TBC1D12: variants seen among roughly 807,000 people sequenced by gnomAD.
The protein encoded by TBC1D12 is TBC1 domain family, member 12.
TBC1D12 carries 56 observed loss-of-function variants against 86.7 expected under a neutral mutation model. The observed-to-expected ratio is 0.65, with a 90% CI of 0.52 to 0.81. The LOEUF (loss-of-function observed/expected upper bound fraction) is 0.81. Ranked by LOEUF, TBC1D12 falls within the 30% of genes least tolerant of loss-of-function variation. The pLI is 0.00. For synonymous variants in TBC1D12, 421 were observed against 411.7 expected, an observed-to-expected ratio of 1.02 and a Z score of -0.27; for missense variants, 1,023 against 1,038.8, an observed-to-expected ratio of 0.98 and a Z score of 0.21.
rs1335984790 is a variant in TBC1D12 at position 94,474,801 on chromosome 10, A to T, written c.1211+18A>T. The T allele has an allele frequency of 6.3e-7, 1 of 1,575,508 alleles. No individual in the cohort carries two copies. Among genetic ancestry groups the T allele is most frequent in the East Asian group, 2.2e-5 (1 of 44,696 alleles). ...CGACCATCGTAAGTATTTTAGTGAT[A>T]ATCAGTGACATTGTTTATATTTTAA... On this transcript the variant is annotated intron_variant, in intron 3 of 12. Coordinates refer to ENST00000225235, the MANE Select transcript of TBC1D12 (RefSeq NM_015188.2).
chr10:94,418,428 C>T (rs2055028612), intron 1 of TBC1D12, among the ~76,000 whole-genome samples: 2 of 152,112 alleles, frequency 1.3e-5, no homozygotes, highest in Admixed American at 6.5e-5. Context: ...TAACTATTGC[C>T]TTAATGCTAT....
At chr10:94,423,065 A>C (rs1236567357) in intron 1 of TBC1D12, among the ~76,000 whole-genome samples, 1 of 152,128 alleles carries the variant, frequency 6.6e-6, no homozygotes, top group Non-Finnish European at 1.5e-5. Context: ...ACGCCAGTGC[A>C]CTCTAGCCTG....
intron 6 of TBC1D12, among the ~76,000 whole-genome samples, chr10:94,502,476 G>T (rs56889690): frequency 6.6e-6 from 1 of 152,046 alleles, no homozygotes; most frequent in Non-Finnish European, 1.5e-5. Flanking sequence ...AGGCTGAGGC[G>T]GATAGGTCTC....
intron 1 of TBC1D12, among the ~76,000 whole-genome samples, chr10:94,410,583 C>G (rs538915884): frequency 6.6e-6 from 1 of 152,012 alleles, no homozygotes; most frequent in Non-Finnish European, 1.5e-5. Flanking sequence ...TTACTGTGAC[C>G]TAGGAAGGGT....
Position 94,534,902 on chromosome 10 carries a change from G to C in TBC1D12, c.*1806G>C, listed in dbSNP as rs751738602. 6.6e-6 allele frequency: 1 copy of C among 152,098 alleles called. No homozygotes were observed. Among genetic ancestry groups the C allele is most frequent in the Non-Finnish European group, 1.5e-5 (1 of 68,038 alleles). 9.4% of individuals were successfully genotyped at this position (152,098 alleles called of 1,614,324 possible). A position where few individuals can be genotyped will look rare whatever the true frequency, so the allele number is the denominator to read the frequency against. ...ATGTGCTGCATTGGGTTTCTGCTTG[G>C]CTTTCTCACTGAAAAGTAAATTGGG... On this transcript the variant is annotated 3_prime_UTR_variant, in exon 13 of 13. Coordinates refer to ENST00000225235, the MANE Select transcript of TBC1D12 (RefSeq NM_015188.2).
intron 3 of TBC1D12, among the ~76,000 whole-genome samples, chr10:94,490,460 A>T (rs185626153): frequency 5.9e-5 from 9 of 152,322 alleles, no homozygotes; most frequent in African/African-American, 2.2e-4. Flanking sequence ...GTATATTTAT[A>T]ACAGCTATTT....
intron 2 of TBC1D12, among the ~76,000 whole-genome samples, chr10:94,452,055 A>AAT (rs1476121893): frequency 8.6e-5 from 13 of 150,766 alleles, no homozygotes; most frequent in Non-Finnish European, 1.5e-4. Context: ...TATATATTTA[A>AAT]ATATATGTAT....
intron 1 of TBC1D12, among the ~76,000 whole-genome samples, chr10:94,414,615 T>TG (rs1248023149): frequency 7.8e-4 from 119 of 151,678 alleles, no homozygotes; most frequent in Non-Finnish European, 1.0e-3. Context: ...TTTTTTTTTT[T>TG]TTGAGACGGA....
intron 3 of TBC1D12, among the ~76,000 whole-genome samples, chr10:94,489,711 A>C (rs1306623443): frequency 6.6e-6 from 1 of 152,154 alleles, no homozygotes; most frequent in Non-Finnish European, 1.5e-5. Flanking sequence ...GTCATTGTAG[A>C]GTTATTAATT....
At chr10:94,524,581 A>T (rs566741884) in intron 11 of TBC1D12, among the ~76,000 whole-genome samples, 2 of 152,126 alleles carry the variant, frequency 1.3e-5, no homozygotes, top group South Asian at 4.2e-4. Context: ...TCTACTAAAA[A>T]TAGAAAAATT....
chr10:94,508,939 C>T (rs900979822), intron 7 of TBC1D12: 4 of 151,932 alleles, frequency 2.6e-5, no homozygotes, highest in Non-Finnish European at 5.9e-5. Context: ...AATGTAGAAA[C>T]CAAAGCTGAG....
chr10:94,520,511 A>G (rs993367641), intron 9 of TBC1D12, among the ~76,000 whole-genome samples: 13 of 151,938 alleles, frequency 8.6e-5, no homozygotes, highest in African/African-American at 3.1e-4. Context: ...AGATCACACC[A>G]TTGCACTCCA....
chr10:94,475,320 A>T (rs189860368), intron 3 of TBC1D12, among the ~76,000 whole-genome samples: 23 of 152,226 alleles, frequency 1.5e-4, no homozygotes, highest in Non-Finnish European at 3.1e-4. Context: ...TTATTAAGGA[A>T]GTAAGAGTAC....
intron 9 of TBC1D12, among the ~76,000 whole-genome samples, chr10:94,513,934 T>A (rs2056555971): frequency 6.6e-6 from 1 of 151,908 alleles, no homozygotes; most frequent in Non-Finnish European, 1.5e-5. Flanking sequence ...CTGAAATATC[T>A]GACATTTTTT....
At chr10:94,421,121 C>G (rs2055067831) in intron 1 of TBC1D12, among the ~76,000 whole-genome samples, 1 of 152,122 alleles carries the variant, frequency 6.6e-6, no homozygotes, top group Non-Finnish European at 1.5e-5. Context: ...ATTTTGTACC[C>G]ATTGACCAAT....
Position 94,535,373 on chromosome 10 carries a change from AAC to A in TBC1D12, c.*2279_*2280del, listed in dbSNP as rs1169491417. On this transcript the variant is annotated 3_prime_UTR_variant, in exon 13 of 13. Transcript: ENST00000225235. ...GTTTTTATGTTGCAGTTTAGTTTGAAACAACACTTAAGCACACTATTTCTGTT... is the reference window on the plus strand; with the variant it reads ...GTTTTTATGTTGCAGTTTAGTTTGAAAACACTTAAGCACACTATTTCTGTT... The A allele has an allele frequency of 3.3e-5, 5 of 152,142 alleles. No homozygotes were observed. Among genetic ancestry groups the A allele is most frequent in the Admixed American group, 1.3e-4 (2 of 15,258 alleles). The allele number at this position is 152,142 out of a possible 1,614,324, so 9.4% of individuals were successfully genotyped here. A position where few individuals can be genotyped will look rare whatever the true frequency, so the allele number is the denominator to read the frequency against.
intron 1 of TBC1D12, among the ~76,000 whole-genome samples, chr10:94,431,212 C>T (rs2055210500): frequency 2.0e-5 from 3 of 151,862 alleles, no homozygotes; most frequent in South Asian, 4.2e-4. Context: ...GTCAGGAGTT[C>T]GAGACCAGCC....
At chr10:94,484,945 A>AT (rs1170484996) in intron 3 of TBC1D12, among the ~76,000 whole-genome samples, 1 of 151,982 alleles carries the variant, frequency 6.6e-6, no homozygotes, top group Non-Finnish European at 1.5e-5. Flanking sequence ...TTGTCTGTTG[A>AT]TTTTTTATCC....
intron 1 of TBC1D12, among the ~76,000 whole-genome samples, chr10:94,437,910 T>G (rs950414891): frequency 6.6e-6 from 1 of 151,768 alleles, no homozygotes; most frequent in Non-Finnish European, 1.5e-5. Context: ...CTCATTTTGT[T>G]CATACATTTT....
Sources: gnomAD v4.1 joint callset for allele counts (sites outside exome capture counted in the v4.1 genomes callset) on GRCh38, gnomAD v4.1.1 for gene constraint, MANE v1.5 for transcripts, NCBI Gene and HGNC (gene_info 2026-07-23, HGNC 2026-07-21) for gene names.